The following ERBB2 variants were observed in gnomAD, a reference collection of about 807,000 sequenced individuals.
ERBB2 encodes the protein receptor tyrosine-protein kinase erbB-2.
ERBB2 carries 61 observed loss-of-function variants against 149.0 expected under a neutral mutation model. The ratio of observed to expected loss-of-function variants is 0.41; its 90% CI spans 0.33 to 0.51. ERBB2 has a LOEUF of 0.51. Ranked by LOEUF, ERBB2 falls within the 20% of genes least tolerant of loss-of-function variation. The probability of loss-of-function intolerance (pLI) is 0.25; values close to 1 mark genes in which losing one functional copy is unlikely to be tolerated. For synonymous variants in ERBB2, 633 were observed against 678.8 expected (o/e 0.93, Z 1.05); for missense variants, 1,205 against 1,655.1 (o/e 0.73, Z 4.72).
In ERBB2 at chr17:39,724,134, T is replaced by C. The variant is rs192991496; in HGVS notation, c.2307+124T>C. The C allele has an allele frequency of 1.5e-3, 989 of 661,764 alleles. 1 individual carries two copies. The highest frequency in any genetic ancestry group is 2.2e-3 in the Non-Finnish European group (884 of 393,906). The allele number at this position is 661,764 out of a possible 1,614,324, so 41.0% of individuals were successfully genotyped here. ...ACTCCCGCAAACCTAGACTATTTTT[T>C]TGGAGACGGAGTCTTGCTCTGTCAC... On this transcript the variant is annotated intron_variant, in intron 19 of 26. Coordinates refer to ENST00000269571, the MANE Select transcript of ERBB2 (RefSeq NM_004448.4).
Position 39,715,438 on chromosome 17 carries a change from G to T in ERBB2, c.1223-8G>T, listed in dbSNP as rs200818033. On this transcript the variant is annotated splice_polypyrimidine_tract_variant and splice_region_variant and intron_variant, in intron 10 of 26. Coordinates refer to ENST00000269571, the MANE Select transcript of ERBB2 (RefSeq NM_004448.4). ...CCCCACTCCTTTAATCTCACCCTCT[G>T]CCTGCAGGTTACCTATACATCTCAG... 1 of 1,614,142 alleles carries T rather than the reference G, an allele frequency of 6.2e-7. No homozygotes were observed.
At chr17:39,710,682 GACTGCCTGGGTTTGA>G (rs2058744231) in intron 7 of ERBB2, among the ~76,000 whole-genome samples, 2 of 152,344 alleles carry the variant, frequency 1.3e-5, no homozygotes, top group South Asian at 4.1e-4. Context: ...TTGGGAGCCA[GACTGCCTGGGTTTGA>G]AACCCAGCTC....
At chr17:39,699,522 G>A (rs1298215365), upstream of ERBB2, 2 of 1,533,392 alleles carry the variant, frequency 1.3e-6, no homozygotes, top group Admixed American at 2.0e-5. Context: ...ACCCTCTTAA[G>A]ATCATGCTTT....
chr17:39,705,892 G>A (rs2058400746), intron 1 of ERBB2, among the ~76,000 whole-genome samples: 1 of 152,160 alleles, frequency 6.6e-6, no homozygotes, highest in Admixed American at 6.5e-5. Flanking sequence ...AGGCACCTGT[G>A]GGCCTGAGGG....
chr17:39,700,019 G>A (rs1169153545), upstream of ERBB2: 2 of 1,268,996 alleles, frequency 1.6e-6, no homozygotes. Flanking sequence ...TGGAGGAGGA[G>A]GGCTGCTTGA....
In ERBB2 at chr17:39,708,402, C is replaced by T. The variant is rs1555614298; in HGVS notation, c.307C>T (p.Arg103Ter). 1.9e-6 allele frequency: 3 copies of T among 1,614,038 alleles called. No individual in the cohort carries two copies. Among genetic ancestry groups the T allele is most frequent in the Non-Finnish European group, 8.5e-7 (1 of 1,180,014 alleles). Residue 103 changes from arginine to a stop codon, truncating the protein, a stop_gained, in exon 3 of 27, where the codon CGA becomes TGA. Transcript: ENST00000269571. LOFTEE classifies it high-confidence loss of function. ...CCCACTGCAGAGGCTGCGGATTGTGCGAGGCACCCAGCTCTTTGAGGACAA... is the reference window on the plus strand; with the variant it reads ...CCCACTGCAGAGGCTGCGGATTGTGTGAGGCACCCAGCTCTTTGAGGACAA... ...QVPLQRLRIVRGTQLFEDNYA... is the reference protein window; with the variant it reads ...QVPLQRLRIV
chr17:39,692,868 G>T (rs753317372), upstream of ERBB2, among the ~76,000 whole-genome samples: 2 of 151,372 alleles, frequency 1.3e-5, no homozygotes, highest in African/African-American at 2.4e-5. Context: ...TTCAAGACCG[G>T]CCTGACCAAA....
upstream of ERBB2, among the ~76,000 whole-genome samples, chr17:39,691,934 C>CAT (rs57592884): frequency 0.32 from 38,603 of 120,610 alleles, 6,123 homozygotes; most frequent in South Asian, 0.39. Flanking sequence ...TATACATATA[C>CAT]ATATATATAT....
upstream of ERBB2, among the ~76,000 whole-genome samples, chr17:39,694,386 T>C (rs1057271086): frequency 2.0e-5 from 3 of 148,058 alleles, no homozygotes; most frequent in African/African-American, 7.4e-5. Flanking sequence ...TGGCTGCTGT[T>C]GCTGCGGGGA....
At chr17:39,701,690 C>T (rs924700971) in intron 1 of ERBB2, among the ~76,000 whole-genome samples, 7 of 152,134 alleles carry the variant, frequency 4.6e-5, no homozygotes. Flanking sequence ...CTTTGTGTTG[C>T]CAAACAGCAG....
upstream of ERBB2, among the ~76,000 whole-genome samples, chr17:39,697,155 C>G (rs923013154): frequency 2.6e-5 from 4 of 152,094 alleles, no homozygotes; most frequent in African/African-American, 9.7e-5. Context: ...CACCCTAACC[C>G]TAACACCAGC....
rs1229646481 is a variant in ERBB2, at chr17:39,726,751, C to G, written c.2971-64C>G. ...AGAGATGAGTCCAGTATGCCAGGCC[C>G]CTCACGGAAGGCTGCATGCTGGGCT... On this transcript the variant is annotated intron_variant, in intron 24 of 26. Coordinates refer to ENST00000269571, the MANE Select transcript of ERBB2 (RefSeq NM_004448.4). The surrounding 1 kb of genome is among the most constrained non-coding windows in gnomAD (Gnocchi z 5.1). The G allele has an allele frequency of 6.3e-7, 1 of 1,591,980 alleles. No individual in the cohort carries two copies. The highest frequency in any genetic ancestry group is 1.3e-5 in the African/African-American group (1 of 74,552).
Position 39,725,907 on chromosome 17 carries a change from G to A in ERBB2, c.2872+54G>A, listed in dbSNP as rs2143087995. The A allele has an allele frequency of 6.3e-7, 1 of 1,598,078 alleles. No individual in the cohort carries two copies. Among genetic ancestry groups the A allele is most frequent in the East Asian group, 2.2e-5 (1 of 44,576 alleles). Reference sequence around the variant, plus strand: ...GGAGGAGGGTGGGAGGTCCTGGGTGGAGGAGCCCACAAGGGGCATGAAAGG... The same window carrying A: ...GGAGGAGGGTGGGAGGTCCTGGGTGAAGGAGCCCACAAGGGGCATGAAAGG... On this transcript the variant is annotated intron_variant, in intron 23 of 26. Coordinates refer to ENST00000269571, the MANE Select transcript of ERBB2 (RefSeq NM_004448.4). This position sits in a 1 kb window ranked among gnomAD's most constrained non-coding sequence, Gnocchi z 4.6.
intron 7 of ERBB2, 105 bp downstream of exon 7, chr17:39,710,586 G>C: frequency 2.3e-6 from 3 of 1,320,130 alleles, no homozygotes; most frequent in Non-Finnish European, 3.2e-6. Context: ...TTGAGAGCTG[G>C]TCATGACAGT....
At chr17:39,692,459 G>A (rs1438408410), upstream of ERBB2, among the ~76,000 whole-genome samples, 3 of 150,270 alleles carry the variant, frequency 2.0e-5, no homozygotes, top group Admixed American at 2.0e-4. Context: ...AGGTTGGAGT[G>A]CAATGGCGCG....
chr17:39,719,951 C>G, intron 16 of ERBB2, 117 bp downstream of exon 16: 1 of 935,512 alleles, frequency 1.1e-6, no homozygotes, highest in Non-Finnish European at 1.7e-6. Context: ...ACCCACTCTT[C>G]CACTGTGGAA....
chr17:39,700,360 G>C (rs2145273750), intron 1 of ERBB2, 49 bp downstream of exon 1: 2 of 1,260,604 alleles, frequency 1.6e-6, no homozygotes, highest in Non-Finnish European at 2.0e-6. Flanking sequence ...ACCCTGCCCT[G>C]TGGATGCCCC....
chr17:39,717,639 A>G, intron 15 of ERBB2, 159 bp downstream of exon 15: 1 of 603,346 alleles, frequency 1.7e-6, no homozygotes, highest in Non-Finnish European at 2.8e-6. Context: ...AACATGAAAT[A>G]TAAATTAATG....
Position 39,726,543 on chromosome 17 carries a change from G to A in ERBB2, c.2873-19G>A, listed in dbSNP as rs2143127999. 3.1e-6 allele frequency: 5 copies of A among 1,608,774 alleles called. No individual in the cohort carries two copies. The highest frequency in any genetic ancestry group is 4.3e-6 in the Non-Finnish European group (5 of 1,175,204). ...ACACAGGGCCTGGGACTAGCATGCT[G>A]ACCTCCCTCCTGCCCCAGGTTGGAT... On this transcript the variant is annotated intron_variant, in intron 23 of 26. Transcript: ENST00000269571. The surrounding 1 kb of genome is among the most constrained non-coding windows in gnomAD (Gnocchi z 5.1).
Sources: allele counts gnomAD v4.1 joint callset (sites outside exome capture counted in the v4.1 genomes callset), GRCh38; gene constraint gnomAD v4.1.1; non-coding constraint Gnocchi (gnomAD v3.1); transcripts MANE v1.5; gene names NCBI Gene and HGNC (gene_info 2026-07-23, HGNC 2026-07-21).